TMSB15B: variants seen among roughly 807,000 people sequenced by gnomAD.
TMSB15B encodes the protein thymosin beta-15B.
chrX:103,922,449 A>G (rs1451728419), intron 1 of TMSB15B, among the ~76,000 whole-genome samples: 1 of 104,094 alleles, frequency 9.6e-6, no homozygotes, highest in East Asian at 3.1e-4. Flanking sequence ...GAGTGAGAAC[A>G]TGCAGTGTTT....
intron 1 of TMSB15B, among the ~76,000 whole-genome samples, chrX:103,922,670 T>C (rs1177157314): frequency 1.8e-5 from 2 of 111,614 alleles, no homozygotes; most frequent in Non-Finnish European, 1.9e-5. Flanking sequence ...TAAACATGCA[T>C]GTGCATGTGT....
At chrX:103,948,658 TG>T (rs1427938255) in intron 1 of TMSB15B, among the ~76,000 whole-genome samples, 1 of 112,582 alleles carries the variant, frequency 8.9e-6, no homozygotes, top group Non-Finnish European at 1.9e-5. Context: ...TTCATAATGT[TG>T]GGTGAAAATT....
intron 1 of TMSB15B, chrX:103,928,679 T>C (rs2074976216): frequency 1.6e-5 from 18 of 1,156,219 alleles, no homozygotes; most frequent in Non-Finnish European, 2.1e-5. Flanking sequence ...TATTTTTCTT[T>C]CCAGGACCCC....
intron 1 of TMSB15B, among the ~76,000 whole-genome samples, chrX:103,956,022 A>G (rs1191969708): frequency 9.6e-6 from 1 of 104,360 alleles, no homozygotes; most frequent in Non-Finnish European, 2.0e-5. Context: ...ATTCCAACAC[A>G]GAATTTCACA....
intron 1 of TMSB15B, chrX:103,928,274 A>C (rs1302519453): frequency 8.3e-7 from 1 of 1,204,758 alleles, no homozygotes. Flanking sequence ...GATCCATGCC[A>C]TGGCAGTGTC....
intron 1 of TMSB15B, among the ~76,000 whole-genome samples, chrX:103,930,350 A>C (rs2074981177): frequency 2.7e-5 from 3 of 111,239 alleles, no homozygotes; most frequent in African/African-American, 6.5e-5. Context: ...CCCCCAAGTG[A>C]ATGTGACATT....
At chrX:103,923,748 T>C (rs1556318277) in intron 1 of TMSB15B, among the ~76,000 whole-genome samples, 2 of 111,676 alleles carry the variant, frequency 1.8e-5, no homozygotes, top group Non-Finnish European at 3.8e-5. Context: ...AGAAGGTCAT[T>C]GGTAGCTTGA....
intron 1 of TMSB15B, among the ~76,000 whole-genome samples, chrX:103,946,045 C>T (rs782466367): frequency 8.9e-6 from 1 of 112,020 alleles, no homozygotes; most frequent in East Asian, 2.8e-4. Flanking sequence ...TACAAATTAG[C>T]CTGACACACA....
rs1157847043 is a variant in TMSB15B at position 103,927,662 on chromosome X, G to GT, written c.-721+8388dup. On this transcript the variant is annotated intron_variant, in intron 1 of 3. Coordinates refer to the TMSB15B transcript ENST00000419165. ...TTCTGCCTCTGCAAGATAGTGCCAGGTTTTTTTTTTTTTTTTTTGAAACAG... is the reference window on the plus strand; with the variant it reads ...TTCTGCCTCTGCAAGATAGTGCCAGGTTTTTTTTTTTTTTTTTTTGAAACAG... Among the ~76,000 whole-genome samples, 189 of 80,880 alleles carry GT rather than the reference G, an allele frequency of 2.3e-3. 2 individuals are homozygous for GT. Among genetic ancestry groups the GT allele is most frequent in the African/African-American group, 7.6e-3 (175 of 23,060 alleles). The allele number at this position is 80,880 out of a possible 115,157, so 70.2% of individuals were successfully genotyped here. A position where few individuals can be genotyped will look rare whatever the true frequency, so the allele number is the denominator to read the frequency against.
exon 1 of TMSB15B, chrX:103,919,272 A>C (rs1369299341): frequency 2.7e-5 from 3 of 112,663 alleles, no homozygotes; most frequent in African/African-American, 9.7e-5. Flanking sequence ...CGCACGGACC[A>C]GGCCCATTTC....
At chrX:103,951,435 T>G (rs1259011667) in intron 1 of TMSB15B, among the ~76,000 whole-genome samples, 11 of 111,739 alleles carry the variant, frequency 9.8e-5, no homozygotes, top group Non-Finnish European at 1.9e-4. Context: ...GAGGCAGTAT[T>G]AGGAGTTTGA....
intron 1 of TMSB15B, among the ~76,000 whole-genome samples, chrX:103,956,145 GC>G (rs1269849764): frequency 1.5e-5 from 1 of 68,206 alleles, no homozygotes; most frequent in African/African-American, 5.7e-5. Context: ...CCTGAAGGAA[GC>G]CCTAAATATG....
chrX:103,948,590 C>T (rs1277312676), intron 1 of TMSB15B, among the ~76,000 whole-genome samples: 1 of 112,436 alleles, frequency 8.9e-6, no homozygotes, highest in Non-Finnish European at 1.9e-5. Flanking sequence ...GAATATTATA[C>T]ATCATTTAAA....
At chrX:103,939,635 G>C (rs1314591200) in intron 1 of TMSB15B, among the ~76,000 whole-genome samples, 1 of 110,709 alleles carries the variant, frequency 9.0e-6, no homozygotes, top group Non-Finnish European at 1.9e-5. Flanking sequence ...TGTTATTACC[G>C]ACCTTCTGAA....
At chrX:103,934,341 T>A (rs1242983112) in intron 1 of TMSB15B, among the ~76,000 whole-genome samples, 1 of 111,385 alleles carries the variant, frequency 9.0e-6, no homozygotes, top group African/African-American at 3.3e-5. Context: ...TGCATTAGTT[T>A]TTTTTTTTTA....
chrX:103,954,331 G>A (rs2075046058), intron 1 of TMSB15B, among the ~76,000 whole-genome samples: 1 of 111,933 alleles, frequency 8.9e-6, no homozygotes, highest in African/African-American at 3.3e-5. Context: ...CTCTCCCAGG[G>A]CCCCAGCCTG....
chrX:103,952,730 T>C lies in TMSB15B; in HGVS notation c.-720-9291T>C, dbSNP rs1327595227. On this transcript the variant is annotated intron_variant, in intron 1 of 3. Coordinates refer to the TMSB15B transcript ENST00000419165. The stretch of plus-strand genomic sequence containing the variant: ...TTATCATTAGTCGAGTTCTAATAGA[T>C]TCAAAGGAGATCAGTGTGGGAGAAT... 7.2e-5 allele frequency among the ~76,000 whole-genome samples: 8 copies of C among 111,572 alleles called. No homozygotes were observed. In the Admixed American group the frequency reaches 7.6e-4, roughly 11 times the overall value.
At chrX:103,935,721 T>C (rs1196942780) in intron 1 of TMSB15B, among the ~76,000 whole-genome samples, 4 of 111,358 alleles carry the variant, frequency 3.6e-5, no homozygotes, top group Admixed American at 9.6e-5. Flanking sequence ...ACCAGTACCA[T>C]GCTGTTTTGG....
intron 1 of TMSB15B, among the ~76,000 whole-genome samples, chrX:103,919,878 C>G (rs1476302104): frequency 9.0e-6 from 1 of 111,528 alleles, no homozygotes; most frequent in Non-Finnish European, 1.9e-5. Context: ...ATTGTTTGCC[C>G]TGCAGCATTG....
Sources: allele counts gnomAD v4.1 joint callset (sites outside exome capture counted in the v4.1 genomes callset), GRCh38; gene constraint gnomAD v4.1.1; transcripts MANE v1.5; gene names NCBI Gene and HGNC (gene_info 2026-07-23, HGNC 2026-07-21).